The following AURKA variants were observed in gnomAD, a reference collection of about 807,000 sequenced individuals.
The protein encoded by AURKA is aurora 2.
A neutral mutation model predicts 40.9 loss-of-function variants in AURKA; 12 were observed. The ratio of observed to expected loss-of-function variants is 0.29; its 90% CI spans 0.19 to 0.48. The LOEUF (loss-of-function observed/expected upper bound fraction) is 0.48, where lower values mean the gene tolerates loss of function less well. AURKA is among the 20% of genes least tolerant of loss of function. The probability of loss-of-function intolerance (pLI) is 0.99; values close to 1 mark genes in which losing one functional copy is unlikely to be tolerated. For synonymous variants in AURKA, 170 were observed against 164.3 expected, an observed-to-expected ratio of 1.03 and a Z score of -0.26; for missense variants, 322 against 462.1, an observed-to-expected ratio of 0.70 and a Z score of 2.78.
At chr20:56,384,584 G>A (rs571540304) in intron 3 of AURKA, among the ~76,000 whole-genome samples, 1 of 152,184 alleles carries the variant, frequency 6.6e-6, no homozygotes, top group African/African-American at 2.4e-5. Context: ...TAAATTAAAG[G>A]CAGACTATGC....
intron 6 of AURKA, among the ~76,000 whole-genome samples, chr20:56,375,272 T>C (rs933040916): frequency 1.3e-5 from 2 of 151,554 alleles, no homozygotes; most frequent in African/African-American, 4.8e-5. Flanking sequence ...GGACTACAGG[T>C]GTGTGCCACC....
rs932725851 is a variant in AURKA at position 56,373,616 on chromosome 20, G to C, written c.706-60C>G. The C allele has an allele frequency of 1.9e-6, 3 of 1,580,862 alleles. No individual in the cohort carries two copies. The highest frequency in any genetic ancestry group is 1.7e-6 in the Non-Finnish European group (2 of 1,151,350). On this transcript the variant is annotated intron_variant, in intron 6 of 8. Coordinates refer to ENST00000395915, the MANE Select transcript of AURKA (RefSeq NM_198437.3). This position sits in a 1 kb window ranked among gnomAD's most constrained non-coding sequence, Gnocchi z 5.0. ...TTTTATATAACACAAGTTAATATTA[G>C]ACATCTCTTCCGAAAGGAACACAAC...
At chr20:56,389,955 T>TGGCCTCCCCAC (rs1203816496) in intron 1 of AURKA, among the ~76,000 whole-genome samples, 5 of 152,162 alleles carry the variant, frequency 3.3e-5, no homozygotes, top group Non-Finnish European at 5.9e-5. Context: ...AGCCTCCCAA[T>TGGCCTCCCCAC]GGCCTCCCCA....
chr20:56,388,037 CAGGATCACAGTA>C (rs1354791296), intron 2 of AURKA, 107 bp downstream of exon 2: 27 of 114,252 alleles, frequency 2.4e-4, no homozygotes, highest in Non-Finnish European at 3.1e-4. Context: ...AATTCATATC[CAGGATCACAGTA>C]AGGGATCTAA....
At chr20:56,388,589 A>T (rs954148723) in intron 1 of AURKA, 1 of 247,116 alleles carries the variant, frequency 4.0e-6, no homozygotes, top group Middle Eastern at 1.4e-3. Flanking sequence ...AGGTGGGCGG[A>T]TCACCTGAGG....
Position 56,381,620 on chromosome 20 carries a change from G to A in AURKA, c.567-49C>T, listed in dbSNP as rs199651911. 1,253 of 1,607,246 alleles carry A rather than the reference G, an allele frequency of 7.8e-4. 13 individuals are homozygous for A. In the Middle Eastern group the frequency reaches 8.1e-3, roughly 10 times the overall value. On this transcript the variant is annotated intron_variant, in intron 5 of 8. Transcript: ENST00000395915. ...AACACTTGGTTTGGAGCTCACAGAA[G>A]ACTATGTACAAAATGTCAAACAAAC...
intron 5 of AURKA, 98 bp downstream of exon 5, chr20:56,382,887 G>T: frequency 1.5e-6 from 2 of 1,309,336 alleles, no homozygotes; most frequent in Non-Finnish European, 2.2e-6. Flanking sequence ...CTCGTAAGAG[G>T]GAGTGAAGGG....
Position 56,386,386 on chromosome 20 carries a change from G to A in AURKA, c.190C>T (p.Leu64Phe). Residue 64 changes from leucine (L) to phenylalanine (F), a missense_variant, in exon 3 of 9, where the codon CTT (leucine) becomes TTT (phenylalanine). Transcript: ENST00000395915. ...SQRIPLQAQK[L>F]VSSHKPVQNQ... is the part of the protein sequence containing the mutation. The stretch of plus-strand genomic sequence containing the variant: ...TGAACCGGCTTGTGACTGGAGACAA[G>A]CTTTTGTGCTTGCAAAGGAATGCGC... The A allele has an allele frequency of 6.2e-7, 1 of 1,614,154 alleles. No individual in the cohort carries two copies. Among genetic ancestry groups the A allele is most frequent in the Non-Finnish European group, 8.5e-7 (1 of 1,180,024 alleles).
chr20:56,381,796 T>C (rs766220428), intron 5 of AURKA, among the ~76,000 whole-genome samples: 1 of 152,218 alleles, frequency 6.6e-6, no homozygotes, highest in Non-Finnish European at 1.5e-5. Context: ...CTGGTTTAGT[T>C]AAGACTATTT....
rs1984019127 is a variant in AURKA at position 56,370,601 on chromosome 20, T to A, written c.913A>T (p.Met305Leu). The change falls in exon 8 of 9, where the codon ATG becomes TTG. Residue 305 changes from methionine to leucine, a missense_variant. By Grantham distance (15) the Met-to-Leu change is conservative. Coordinates refer to ENST00000395915, the MANE Select transcript of AURKA (RefSeq NM_198437.3). ...CAGAGATCCACCTTCTCATCATGCATCCGACCTTCAATCATTTCAGGGGGC... is the reference window on the plus strand; with the variant it reads ...CAGAGATCCACCTTCTCATCATGCAACCGACCTTCAATCATTTCAGGGGGC... ...YLPPEMIEGR[M>L]HDEKVDLWSL... The A allele has an allele frequency of 6.2e-7, 1 of 1,614,092 alleles. No individual in the cohort carries two copies. Among genetic ancestry groups the A allele is most frequent in the African/African-American group, 1.3e-5 (1 of 74,944 alleles).
intron 6 of AURKA, among the ~76,000 whole-genome samples, chr20:56,380,198 T>C (rs945487473): frequency 6.6e-6 from 1 of 150,850 alleles, no homozygotes; most frequent in African/African-American, 2.4e-5. Flanking sequence ...CTACTAAAAA[T>C]ACAAAAATTA....
At chr20:56,378,997 T>G (rs1345003394) in intron 6 of AURKA, among the ~76,000 whole-genome samples, 1 of 152,102 alleles carries the variant, frequency 6.6e-6, no homozygotes, top group Non-Finnish European at 1.5e-5. Flanking sequence ...TTCATAGAAC[T>G]TTACAGCAAA....
In AURKA at chr20:56,386,314, C is replaced by T. The variant is rs1221521216; in HGVS notation, c.262G>A (p.Val88Ile). The change falls in exon 3 of 9, where the codon GTC (valine) becomes ATC (isoleucine). Residue 88 changes from valine (V) to isoleucine (I), a missense_variant. Physicochemically the swap from Val to Ile is conservative, Grantham distance 29. Transcript: ENST00000395915. ...QLQATSVPHP[V>I]SRPLNNTQKS... ...TGGGTGTTATTCAGTGGCCTGGAGA[C>T]AGGATGAGGTACACTGGTTGCCTGC... 1 of 1,614,062 alleles carries T rather than the reference C, an allele frequency of 6.2e-7. No homozygotes were observed. The highest frequency in any genetic ancestry group is 8.5e-7 in the Non-Finnish European group (1 of 1,180,038).
At chr20:56,381,058 A>T (rs2146180696) in intron 6 of AURKA, among the ~76,000 whole-genome samples, 1 of 152,254 alleles carries the variant, frequency 6.6e-6, no homozygotes, top group Middle Eastern at 3.4e-3. Context: ...TGAGGTGGAG[A>T]ATCACTTGAG....
At chr20:56,384,147 T>TTTA in intron 4 of AURKA, 123 bp downstream of exon 4, 1 of 707,672 alleles carries the variant, frequency 1.4e-6, no homozygotes, top group East Asian at 2.7e-5. Context: ...TCTGGAAACA[T>TTTA]TTATATCCTC....
rs778256805 is a variant in AURKA at position 56,370,165 on chromosome 20, T to G, written c.1205A>C (p.Gln402Pro). The change falls in exon 9 of 9, where the codon CAG becomes CCG. Residue 402 changes from glutamine (Q) to proline (P), a missense_variant. Coordinates refer to ENST00000395915, the MANE Select transcript of AURKA (RefSeq NM_198437.3). Reference sequence around the variant, plus strand: ...TCTCCCCCTGCACGATTCCTAAGACTGTTTGCTAGCTGATTCTTTGTTTTG... The same window carrying G: ...TCTCCCCCTGCACGATTCCTAAGACGGTTTGCTAGCTGATTCTTTGTTTTG... ...NCQNKESASK[Q>P]S is the part of the protein sequence containing the mutation. 3.7e-6 allele frequency: 6 copies of G among 1,612,500 alleles called. No homozygotes were observed. Among genetic ancestry groups the G allele is most frequent in the Non-Finnish European group, 3.4e-6 (4 of 1,180,008 alleles).
Position 56,369,707 on chromosome 20 carries a change from T to TA in AURKA, c.*450dup, listed in dbSNP as rs1345002115. On this transcript the variant is annotated 3_prime_UTR_variant, in exon 9 of 9. Coordinates refer to ENST00000395915, the MANE Select transcript of AURKA (RefSeq NM_198437.3). Reference sequence around the variant, plus strand: ...ATTTTCATACTTAAAAAGAATCACATACTCATTCCAACAGCTTTACCAGGC... The same window carrying TA: ...ATTTTCATACTTAAAAAGAATCACATAACTCATTCCAACAGCTTTACCAGGC... The TA allele has an allele frequency of 2.0e-5, 7 of 356,068 alleles. No individual in the cohort carries two copies. The highest frequency in any genetic ancestry group is 1.4e-4 in the African/African-American group (7 of 49,968). 22.1% of individuals were successfully genotyped at this position (356,068 alleles called of 1,614,324 possible).
chr20:56,372,651 CT>C (rs908242101), intron 7 of AURKA, among the ~76,000 whole-genome samples: 2 of 149,970 alleles, frequency 1.3e-5, no homozygotes, highest in Non-Finnish European at 3.0e-5. Flanking sequence ...TTAGGCTATA[CT>C]TTTTTTTTAA....
intron 6 of AURKA, among the ~76,000 whole-genome samples, chr20:56,381,145 C>T (rs962886508): frequency 6.6e-6 from 1 of 152,006 alleles, no homozygotes; most frequent in African/African-American, 2.4e-5. Context: ...TAAAATAAAA[C>T]ATCTATTAAA....
Sources: allele counts gnomAD v4.1 joint callset (sites outside exome capture counted in the v4.1 genomes callset), GRCh38; gene constraint gnomAD v4.1.1; non-coding constraint Gnocchi (gnomAD v3.1); transcripts MANE v1.5; gene names NCBI Gene and HGNC (gene_info 2026-07-23, HGNC 2026-07-21).